AGXT2: variants seen among roughly 807,000 people sequenced by gnomAD.
AGXT2 encodes alanine--glyoxylate aminotransferase 2, also known as alanine--glyoxylate aminotransferase 2, mitochondrial.
A neutral mutation model predicts 62.5 loss-of-function variants in AGXT2; 61 were observed. That is an observed-to-expected ratio of 0.98 (90% CI 0.79 to 1.21). AGXT2 has a LOEUF of 1.21. AGXT2 is among the 50% of genes most tolerant of loss of function. The pLI is 0.00. For synonymous variants in AGXT2, 243 were observed against 218.7 expected, an observed-to-expected ratio of 1.11 and a Z score of -0.98; for missense variants, 666 against 641.5, an observed-to-expected ratio of 1.04 and a Z score of -0.41.
rs1411105369 is a variant in AGXT2 at position 35,045,745 on chromosome 5, TTTTTTC to T, written c.88+2054_88+2059del. Among the ~76,000 whole-genome samples the T allele has an allele frequency of 8.1e-5, 10 of 123,870 alleles. No individual in the cohort carries two copies. In the South Asian group the frequency reaches 1.2e-3, roughly 15 times the overall value. 81.3% of individuals were successfully genotyped at this position (123,870 alleles called of 152,430 possible). On this transcript the variant is annotated intron_variant, in intron 1 of 13. Coordinates refer to ENST00000231420, the MANE Select transcript of AGXT2 (RefSeq NM_031900.4). The stretch of plus-strand genomic sequence containing the variant: ...TAGCATTCAGTCTAGGTAGTGTGGT[TTTTTTC>T]TTTTTCTTTTTTCTTTTTTTTTTTT...
chr5:35,035,460 C>A, intron 4 of AGXT2, 144 bp from the exon 5 acceptor site: 1 of 711,900 alleles, frequency 1.4e-6, no homozygotes, highest in South Asian at 1.5e-5. Flanking sequence ...GCAGTTCCAT[C>A]ATTTAACCAC....
intron 9 of AGXT2, among the ~76,000 whole-genome samples, chr5:35,024,251 A>G (rs1052567578): frequency 1.3e-5 from 2 of 152,140 alleles, no homozygotes; most frequent in Non-Finnish European, 2.9e-5. Flanking sequence ...CTGGACAGAA[A>G]TAGGTGTGAA....
intron 9 of AGXT2, among the ~76,000 whole-genome samples, chr5:35,022,438 T>C (rs1236689845): frequency 1.3e-5 from 2 of 151,484 alleles, no homozygotes; most frequent in Non-Finnish European, 2.9e-5. Flanking sequence ...ATGGATGAAA[T>C]TGGAAATAAT....
At chr5:35,042,275 A>G (rs1276414421) in intron 1 of AGXT2, among the ~76,000 whole-genome samples, 2 of 152,208 alleles carry the variant, frequency 1.3e-5, no homozygotes, top group East Asian at 3.8e-4. Context: ...CACAAAAGTC[A>G]TAAGCACATG....
intron 7 of AGXT2, among the ~76,000 whole-genome samples, chr5:35,031,664 A>T (rs1561228648): frequency 2.0e-5 from 3 of 152,148 alleles, no homozygotes; most frequent in South Asian, 2.1e-4. Flanking sequence ...TAAAAATGTG[A>T]TTGGTAAATG....
rs1768320503 is a variant in AGXT2, at chr5:35,047,914, C to A, written c.-22G>T. 2 of 1,613,862 alleles carry A rather than the reference C, an allele frequency of 1.2e-6. No individual in the cohort carries two copies. Among genetic ancestry groups the A allele is most frequent in the Non-Finnish European group, 1.7e-6 (2 of 1,179,894 alleles). ...TCATTTCTCCCACTCAGAAAGCCAA[C>A]CCCCATGGAAGCAGATTGGAGGCCG... is the stretch of plus-strand genomic sequence containing the variant. On this transcript the variant is annotated 5_prime_UTR_variant, in exon 1 of 14. Transcript: ENST00000231420.
chr5:35,027,171 AGCT>A (rs2112247209), intron 7 of AGXT2: 1 of 223,822 alleles, frequency 4.5e-6, no homozygotes, highest in East Asian at 1.8e-4. Context: ...TGGCCAGGCA[AGCT>A]GTTTGGTACA....
chr5:35,003,162 G>C (rs1766296319), intron 13 of AGXT2, among the ~76,000 whole-genome samples: 1 of 152,170 alleles, frequency 6.6e-6, no homozygotes, highest in Non-Finnish European at 1.5e-5. Context: ...GGAGTGGGGA[G>C]GGCTCGACCT....
intron 9 of AGXT2, among the ~76,000 whole-genome samples, chr5:35,025,029 G>A (rs1488310531): frequency 2.0e-5 from 3 of 152,032 alleles, no homozygotes; most frequent in Admixed American, 6.6e-5. Context: ...TTGTCAGAAA[G>A]GTATATGCTG....
intron 9 of AGXT2, among the ~76,000 whole-genome samples, chr5:35,014,903 A>G (rs1335884796): frequency 2.0e-5 from 3 of 152,220 alleles, no homozygotes; most frequent in Non-Finnish European, 2.9e-5. Flanking sequence ...TAAACTGGTC[A>G]TCCTCTTCCC....
In AGXT2 at chr5:35,023,054, TAA is replaced by T. The variant is rs546544586; in HGVS notation, c.963+2707_963+2708del. Among the ~76,000 whole-genome samples, 13 of 151,660 alleles carry T rather than the reference TAA, an allele frequency of 8.6e-5. No individual in the cohort carries two copies. The South Asian group carries it at 2.7e-3, about 32-fold the overall frequency. The stretch of plus-strand genomic sequence containing the variant: ...TTACTTTACAAAACTATTTTCAATT[TAA>T]AAGAGTGCCTTTTATTCCGATATTG... On this transcript the variant is annotated intron_variant, in intron 9 of 13. Coordinates refer to ENST00000231420, the MANE Select transcript of AGXT2 (RefSeq NM_031900.4).
chr5:35,041,558 C>T (rs192669533), intron 1 of AGXT2, among the ~76,000 whole-genome samples: 6 of 152,216 alleles, frequency 3.9e-5, no homozygotes, highest in Non-Finnish European at 7.4e-5. Flanking sequence ...GGAATCAGAA[C>T]GTCAGAGCTG....
intron 3 of AGXT2, 85 bp from the exon 4 acceptor site, chr5:35,037,150 G>T (rs1554036308): frequency 6.3e-7 from 1 of 1,590,616 alleles, no homozygotes; most frequent in Non-Finnish European, 8.6e-7. Flanking sequence ...CAAATATACT[G>T]TTTTTTCTCA....
At chr5:35,018,031 T>C (rs2112215409) in intron 9 of AGXT2, among the ~76,000 whole-genome samples, 2 of 152,148 alleles carry the variant, frequency 1.3e-5, no homozygotes, top group Middle Eastern at 3.4e-3. Context: ...GAAAAAAGAA[T>C]AAAAAGAAAC....
chr5:35,018,261 C>T (rs1287677594), intron 9 of AGXT2, among the ~76,000 whole-genome samples: 1 of 152,060 alleles, frequency 6.6e-6, no homozygotes, highest in Non-Finnish European at 1.5e-5. Flanking sequence ...AACTCCAAGA[C>T]ACACAATTGT....
rs906165021 is a variant in AGXT2, at chr5:35,001,157, CAGG to C, written c.1438-2334_1438-2332del. 1.1e-4 allele frequency among the ~76,000 whole-genome samples: 16 copies of C among 152,270 alleles called. 2 individuals are homozygous for C. The highest frequency in any genetic ancestry group is 3.9e-4 in the African/African-American group (16 of 41,542). ...TATTCTCAATTTAGGAGGGGTTTAT[CAGG>C]AGGTAACCCCACTATAAGTCAAGAA... On this transcript the variant is annotated intron_variant, in intron 13 of 13. Coordinates refer to ENST00000231420, the MANE Select transcript of AGXT2 (RefSeq NM_031900.4).
chr5:35,002,702 G>T (rs957326705), intron 13 of AGXT2, among the ~76,000 whole-genome samples: 11 of 152,248 alleles, frequency 7.2e-5, no homozygotes, highest in African/African-American at 2.4e-4. Context: ...GGACTTCTCT[G>T]CCTCCAGAAC....
intron 8 of AGXT2, 41 bp from the exon 9 acceptor site, chr5:35,025,896 C>T (rs1369278249): frequency 6.4e-7 from 1 of 1,551,116 alleles, no homozygotes; most frequent in Non-Finnish European, 8.9e-7. Flanking sequence ...ATAATAGCAT[C>T]AGCCCTTTCA....
At position 35,036,947 on chromosome 5, in the gene AGXT2, G is replaced by C. The variant is rs1254964042; in HGVS notation, c.481C>G (p.Leu161Val). 1 of 1,614,046 alleles carries C rather than the reference G, an allele frequency of 6.2e-7. No individual in the cohort carries two copies. The highest frequency in any genetic ancestry group is 1.1e-5 in the South Asian group (1 of 91,088). ...CTGCAGGAAGAGCATTGTACCTTAA[G>C]AGGCTCAGGAAGAAGTGCGGCAAGC... ...EKLAALLPEP[L>V]KVIFLVNSGS... Residue 161 changes from leucine (L) to valine (V), a missense_variant, in exon 4 of 14, where the codon CTT becomes GTT. Transcript: ENST00000231420.
Sources: gnomAD v4.1 joint callset for allele counts (sites outside exome capture counted in the v4.1 genomes callset) on GRCh38, gnomAD v4.1.1 for gene constraint, MANE v1.5 for transcripts, NCBI Gene and HGNC (gene_info 2026-07-23, HGNC 2026-07-21) for gene names.